The following ALDH9A1 variants were observed in gnomAD, a reference collection of about 807,000 sequenced individuals.
ALDH9A1 encodes 4-trimethylaminobutyraldehyde dehydrogenase.
In ALDH9A1, 42 loss-of-function variants were observed where a neutral mutation model predicts 56.6. The ratio of observed to expected loss-of-function variants is 0.74; its 90% confidence interval spans 0.58 to 0.96. The LOEUF is 0.96. Ranked by LOEUF, ALDH9A1 falls within the 40% of genes least tolerant of loss-of-function variation. The pLI, the probability that ALDH9A1 is intolerant of heterozygous loss-of-function variation, is 0.00. For missense variants in ALDH9A1, 661 were observed against 651.5 expected, an observed-to-expected ratio of 1.01 and a Z score of -0.16; for synonymous variants, 242 against 236.0, an observed-to-expected ratio of 1.03 and a Z score of -0.23.
In ALDH9A1 at chr1:165,680,560, G is replaced by C. The variant is rs1024946102; in HGVS notation, c.716C>G (p.Thr239Arg). ...LFNVVQGGAATGQFLCQHPDV... is the reference protein window; with the variant it reads ...LFNVVQGGAARGQFLCQHPDV... Reference sequence around the variant, plus strand: ...GGGATGCTGACACAGAAACTGGCCTGTGGCAGCCCCTCCCTGCACCACATT... The same window carrying C: ...GGGATGCTGACACAGAAACTGGCCTCTGGCAGCCCCTCCCTGCACCACATT... The change falls in exon 5 of 11, where the codon ACA (threonine) becomes AGA (arginine). Residue 239 changes from threonine (T) to arginine (R), a missense_variant. Transcript: ENST00000354775. The C allele has an allele frequency of 5.1e-5, 83 of 1,614,070 alleles. No homozygotes were observed. The highest frequency in any genetic ancestry group is 6.7e-5 in the Non-Finnish European group (79 of 1,180,048).
intron 10 of ALDH9A1, 123 bp downstream of exon 10, chr1:165,664,895 G>A: frequency 1.4e-6 from 1 of 739,338 alleles, no homozygotes; most frequent in Non-Finnish European, 2.3e-6. Context: ...GGAAGGACCA[G>A]GAACCTGTAT....
chr1:165,681,836 A>T (rs1435869906), intron 4 of ALDH9A1, among the ~76,000 whole-genome samples: 2 of 152,234 alleles, frequency 1.3e-5, no homozygotes, highest in Non-Finnish European at 2.9e-5. Context: ...CAATTTAATA[A>T]GAAAAAATTA....
chr1:165,682,830 TA>T, intron 3 of ALDH9A1, 150 bp downstream of exon 3: 1 of 822,846 alleles, frequency 1.2e-6, no homozygotes. Flanking sequence ...TTAGGAAAGA[TA>T]AAGTAATTCC....
In ALDH9A1 at chr1:165,683,100, T is replaced by C. The variant is rs148143528; in HGVS notation, c.338A>G (p.Asp113Gly). The change falls in exon 3 of 11, where the codon GAT (aspartate) becomes GGT (glycine). Residue 113 changes from aspartate (D) to glycine (G), a missense_variant. Asp to Gly is a moderately conservative substitution (Grantham distance 94). Coordinates refer to ENST00000354775, the MANE Select transcript of ALDH9A1 (RefSeq NM_000696.4). ...EAARIIRERE[D>G]EIATMECINN... The stretch of plus-strand genomic sequence containing the variant: ...GATGCACTCCATAGTAGCAATTTCA[T>C]CCTCCCGTTCCTTTGGGTAAAGCAG... 37 of 1,613,808 alleles carry C rather than the reference T, an allele frequency of 2.3e-5. No homozygotes were observed. The highest frequency in any genetic ancestry group is 2.7e-5 in the Non-Finnish European group (32 of 1,179,910).
Position 165,682,174 on chromosome 1 carries a change from C to T in ALDH9A1, c.525G>A (p.Val175=). Residue 175 remains valine, a synonymous_variant, in exon 4 of 11, where the codon GTG becomes GTA. Coordinates refer to ENST00000354775, the MANE Select transcript of ALDH9A1 (RefSeq NM_000696.4). ...AGGGGTAGTTCCATGCTCCTATTCC[C>T]ACACATACCCCAAGTGGTTCTCTTC... ...YTRREPLGVC[V]GIGAWNYPFQ... 2.5e-6 allele frequency: 4 copies of T among 1,614,032 alleles called. No individual in the cohort carries two copies. In the South Asian group the frequency reaches 4.4e-5, roughly 18 times the overall value.
intron 2 of ALDH9A1, among the ~76,000 whole-genome samples, chr1:165,687,269 G>A (rs1442006603): frequency 6.6e-6 from 1 of 150,894 alleles, no homozygotes; most frequent in Non-Finnish European, 1.5e-5. Flanking sequence ...TGGAGGCCCT[G>A]AAGGAGAAGT....
intron 4 of ALDH9A1, 92 bp downstream of exon 4, chr1:165,682,015 T>C: frequency 6.6e-7 from 1 of 1,505,074 alleles, no homozygotes; most frequent in Non-Finnish European, 9.1e-7. Context: ...TTAAAGTGTG[T>C]GTTTATAGAG....
intron 2 of ALDH9A1, among the ~76,000 whole-genome samples, chr1:165,692,344 G>C (rs7367737): frequency 0.69 from 105,669 of 152,096 alleles, 37,015 homozygotes; most frequent in East Asian, 0.98. Flanking sequence ...TCTCCTTAAG[G>C]TGATAAGCTA....
chr1:165,689,038 A>G (rs1204324465), intron 2 of ALDH9A1, among the ~76,000 whole-genome samples: 2 of 152,196 alleles, frequency 1.3e-5, no homozygotes, highest in African/African-American at 4.8e-5. Flanking sequence ...AGGATCAATA[A>G]AAGTCATTTC....
intron 6 of ALDH9A1, among the ~76,000 whole-genome samples, chr1:165,675,606 ATCTGTTTTTGTAAAAT>A (rs1056075575): frequency 1.3e-5 from 2 of 152,218 alleles, no homozygotes; most frequent in Non-Finnish European, 2.9e-5. Context: ...ACTTCTGAGT[ATCTGTTTTTGTAAAAT>A]TCTGATGTTT....
intron 6 of ALDH9A1, among the ~76,000 whole-genome samples, chr1:165,670,757 A>C (rs1649152360): frequency 6.6e-6 from 1 of 152,206 alleles, no homozygotes; most frequent in Admixed American, 6.5e-5. Context: ...GTTTTGAAAA[A>C]GACGTTCAAT....
intron 2 of ALDH9A1, among the ~76,000 whole-genome samples, chr1:165,688,850 C>T (rs919241505): frequency 2.0e-5 from 3 of 152,066 alleles, no homozygotes; most frequent in South Asian, 2.1e-4. Context: ...GTTCAGAGCA[C>T]GATCATCAGA....
intron 4 of ALDH9A1, among the ~76,000 whole-genome samples, chr1:165,681,797 G>A (rs1205375666): frequency 6.6e-6 from 1 of 152,172 alleles, no homozygotes. Flanking sequence ...CAGAAAGGAA[G>A]AGAACTTATA....
Position 165,662,549 on chromosome 1 carries a change from G to A in ALDH9A1, c.*501C>T, listed in dbSNP as rs1648874337. The A allele has an allele frequency of 6.5e-6, 1 of 153,736 alleles. No individual in the cohort carries two copies. Among genetic ancestry groups the A allele is most frequent in the Non-Finnish European group, 1.4e-5 (1 of 69,154 alleles). The allele number at this position is 153,736 out of a possible 1,614,324, so 9.5% of individuals were successfully genotyped here. A position where few individuals can be genotyped will look rare whatever the true frequency, so the allele number is the denominator to read the frequency against. ...ACTGATTCTACCAGGAACCTATAAA[G>A]GAACAAGGTTTTTTTTTGTTTTTTG... On this transcript the variant is annotated 3_prime_UTR_variant, in exon 11 of 11. Transcript: ENST00000354775.
intron 6 of ALDH9A1, chr1:165,676,480 TG>T: frequency 3.7e-6 from 1 of 273,774 alleles, no homozygotes; most frequent in Non-Finnish European, 7.0e-6. Flanking sequence ...AAGCATTACC[TG>T]GGAAAAACTG....
chr1:165,668,275 G>C (rs1220121878), intron 8 of ALDH9A1, among the ~76,000 whole-genome samples: 2 of 152,158 alleles, frequency 1.3e-5, no homozygotes, highest in Non-Finnish European at 2.9e-5. Context: ...GGAGGTGTTT[G>C]GGTCACGGGG....
intron 2 of ALDH9A1, among the ~76,000 whole-genome samples, chr1:165,692,353 T>A (rs570843565): frequency 6.4e-4 from 97 of 152,288 alleles, no homozygotes; most frequent in Admixed American, 2.0e-3. Flanking sequence ...GGTGATAAGC[T>A]ACTTCAGCAA....
chr1:165,663,205 G>T, intron 10 of ALDH9A1, 61 bp from the exon 11 acceptor site: 1 of 1,325,142 alleles, frequency 7.5e-7, no homozygotes, highest in Non-Finnish European at 1.1e-6. Flanking sequence ...AAGTCACAAT[G>T]ATCTTCAAAG....
At chr1:165,695,148 T>C (rs1650030092) in intron 2 of ALDH9A1, 104 bp downstream of exon 2, 4 of 1,310,462 alleles carry the variant, frequency 3.1e-6, no homozygotes, top group Non-Finnish European at 4.1e-6. Flanking sequence ...TTCCATTTTA[T>C]AAAAACGTTA....
Sources: allele counts gnomAD v4.1 joint callset (sites outside exome capture counted in the v4.1 genomes callset), GRCh38; gene constraint gnomAD v4.1.1; transcripts MANE v1.5; gene names NCBI Gene and HGNC (gene_info 2026-07-23, HGNC 2026-07-21).